DARS1: variants seen among roughly 807,000 people sequenced by gnomAD.
DARS1 encodes the protein aspartyl-tRNA synthetase 1.
Under a neutral mutation model 68.8 loss-of-function variants are expected in DARS1, and 51 were observed. The ratio of observed to expected loss-of-function variants is 0.74; its 90% CI spans 0.59 to 0.94. The LOEUF (loss-of-function observed/expected upper bound fraction) is 0.94. Among genes scored for constraint, DARS1 ranks in the 40% least tolerant of loss-of-function variants. The probability of loss-of-function intolerance (pLI) is 0.00; values close to 1 mark genes in which losing one functional copy is unlikely to be tolerated. For missense variants in DARS1, 607 were observed against 597.3 expected (o/e 1.02, Z -0.17); for synonymous variants, 203 against 190.4 (o/e 1.07, Z -0.55).
intron 5 of DARS1, among the ~76,000 whole-genome samples, chr2:135,938,145 C>T (rs576280792): frequency 6.6e-6 from 1 of 152,324 alleles, no homozygotes; most frequent in South Asian, 2.1e-4. Flanking sequence ...TAGATTTGGT[C>T]TTTTCACATA....
At chr2:135,965,543 A>G (rs941254753) in intron 3 of DARS1, among the ~76,000 whole-genome samples, 1 of 152,214 alleles carries the variant, frequency 6.6e-6, no homozygotes, top group Non-Finnish European at 1.5e-5. Flanking sequence ...ATGAGCAAAG[A>G]TTTAAAAAAT....
intron 4 of DARS1, among the ~76,000 whole-genome samples, chr2:135,945,081 C>T (rs902286317): frequency 1.3e-5 from 2 of 152,078 alleles, no homozygotes; most frequent in African/African-American, 4.8e-5. Flanking sequence ...CCCTCTGCAC[C>T]TTCCATTATC....
chr2:135,923,835 T>G (rs549307165), intron 8 of DARS1, among the ~76,000 whole-genome samples: 1 of 152,056 alleles, frequency 6.6e-6, no homozygotes, highest in African/African-American at 2.4e-5. Context: ...CTGACCAACA[T>G]GGAGAAACCC....
chr2:135,943,347 A>C, intron 5 of DARS1, 31 bp downstream of exon 5: 1 of 1,600,076 alleles, frequency 6.2e-7, no homozygotes, highest in South Asian at 1.1e-5. Flanking sequence ...ATCTATTTCT[A>C]TATGCGATTT....
At chr2:135,976,617 A>G (rs185144596) in intron 3 of DARS1, among the ~76,000 whole-genome samples, 92 of 152,212 alleles carry the variant, frequency 6.0e-4, no homozygotes, top group Admixed American at 4.3e-3. Flanking sequence ...AAATGGAAAA[A>G]AAAACACTAG....
At chr2:135,933,752 G>A (rs776208873) in intron 6 of DARS1, among the ~76,000 whole-genome samples, 158 bp downstream of exon 6, 9 of 152,008 alleles carry the variant, frequency 5.9e-5, no homozygotes, top group Non-Finnish European at 1.3e-4. Flanking sequence ...AAGGCAACTC[G>A]ATACCAAAAG....
chr2:135,946,384 G>A (rs1681720680), intron 4 of DARS1, among the ~76,000 whole-genome samples: 1 of 152,150 alleles, frequency 6.6e-6, no homozygotes, highest in African/African-American at 2.4e-5. Context: ...TGCTATAGGT[G>A]ATATGTAACC....
chr2:135,927,652 T>G (rs1213037578), intron 7 of DARS1, among the ~76,000 whole-genome samples: 1 of 152,128 alleles, frequency 6.6e-6, no homozygotes, highest in Non-Finnish European at 1.5e-5. Flanking sequence ...TGTTAGATGA[T>G]AACGGCGATT....
chr2:135,950,837 G>A (rs1681824515), intron 4 of DARS1, among the ~76,000 whole-genome samples: 1 of 152,188 alleles, frequency 6.6e-6, no homozygotes, highest in South Asian at 2.1e-4. Context: ...CCTGGTGTTA[G>A]ATGATGGAAT....
rs1389890924 is a variant in DARS1 at position 135,952,656 on chromosome 2, C to T, written c.320+8740G>A. Among the ~76,000 whole-genome samples, 6 of 152,114 alleles carry T rather than the reference C, an allele frequency of 3.9e-5. 1 individual carries two copies. The highest frequency in any genetic ancestry group is 9.7e-5 in the African/African-American group (4 of 41,398). On this transcript the variant is annotated intron_variant, in intron 4 of 15. Coordinates refer to ENST00000264161, the MANE Select transcript of DARS1 (RefSeq NM_001349.4). The stretch of plus-strand genomic sequence containing the variant: ...GTATTTCTCTGTGTCCAGCTTATTC[C>T]ACTCAACATAATGCTCTGCAGGTTC...
chr2:135,934,916 T>A (rs1681434196), intron 5 of DARS1, among the ~76,000 whole-genome samples: 1 of 150,662 alleles, frequency 6.6e-6, no homozygotes, highest in South Asian at 2.1e-4. Flanking sequence ...CACCTCAGCC[T>A]CCTGAGTAGC....
chr2:135,911,231 AAATAT>A, intron 14 of DARS1, 21 bp from the exon 15 acceptor site: 5 of 1,285,250 alleles, frequency 3.9e-6, no homozygotes, highest in Non-Finnish European at 5.7e-6. Flanking sequence ...ACACAAAACA[AAATAT>A]AATTTATCAT....
At chr2:135,955,687 T>TC (rs1681957114) in intron 4 of DARS1, among the ~76,000 whole-genome samples, 1 of 122,966 alleles carries the variant, frequency 8.1e-6, no homozygotes, top group Non-Finnish European at 1.8e-5. Context: ...TTTTTTTTTT[T>TC]TTTTTTTTTT....
chr2:135,961,283 C>T (rs1682094213), intron 4 of DARS1, 113 bp downstream of exon 4: 1 of 660,450 alleles, frequency 1.5e-6, no homozygotes, highest in Non-Finnish European at 2.7e-6. Flanking sequence ...TAAATAACTA[C>T]ATTTTTAAAC....
chr2:135,961,373 A>G (rs765960799), intron 4 of DARS1, 23 bp downstream of exon 4: 6 of 1,013,210 alleles, frequency 5.9e-6, no homozygotes, highest in Middle Eastern at 2.0e-4. Context: ...TATTCTGACA[A>G]CAGGATATAA....
In DARS1 at chr2:135,929,465, T is replaced by A. The variant is rs150345257; in HGVS notation, c.564+3318A>T. On this transcript the variant is annotated intron_variant, in intron 7 of 15. Coordinates refer to ENST00000264161, the MANE Select transcript of DARS1 (RefSeq NM_001349.4). Reference sequence around the variant, plus strand: ...ACTTAACTAACTCTAAGCAATAATATCCATGAAAACATGGATTTTATTTGC... The same window carrying A: ...ACTTAACTAACTCTAAGCAATAATAACCATGAAAACATGGATTTTATTTGC... 5.3e-3 allele frequency among the ~76,000 whole-genome samples: 812 copies of A among 152,292 alleles called. 4 individuals carry two copies. The highest frequency in any genetic ancestry group is 0.019 in the African/African-American group (776 of 41,542).
intron 5 of DARS1, among the ~76,000 whole-genome samples, chr2:135,937,258 T>G (rs763911900): frequency 1.3e-5 from 2 of 152,078 alleles, no homozygotes; most frequent in Non-Finnish European, 2.9e-5. Context: ...CTGGCTAATT[T>G]TTGTATTTTT....
intron 3 of DARS1, among the ~76,000 whole-genome samples, chr2:135,978,320 T>C (rs781192351): frequency 2.0e-5 from 3 of 152,088 alleles, no homozygotes; most frequent in Non-Finnish European, 2.9e-5. Flanking sequence ...ATGGGACATA[T>C]TAAATACTAC....
At chr2:135,935,562 T>C (rs543652714) in intron 5 of DARS1, among the ~76,000 whole-genome samples, 70 of 152,212 alleles carry the variant, frequency 4.6e-4, no homozygotes, top group Admixed American at 1.0e-3. Context: ...ATCCCGCCGC[T>C]GCACTCCAGC....
Sources: gnomAD v4.1 joint callset for allele counts (sites outside exome capture counted in the v4.1 genomes callset) on GRCh38, gnomAD v4.1.1 for gene constraint, MANE v1.5 for transcripts, NCBI Gene and HGNC (gene_info 2026-07-23, HGNC 2026-07-21) for gene names.